Variants in YTHDF2 observed in about 807,000 individuals in gnomAD.
YTHDF2 encodes the protein YTH domain-containing family protein 2.
YTHDF2 carries 2 observed loss-of-function variants against 50.4 expected under a neutral mutation model. That is an observed-to-expected ratio of 0.04 (90% CI 0.02 to 0.12). The LOEUF is 0.12. Among genes scored for constraint, YTHDF2 ranks in the 10% least tolerant of loss-of-function variants. The pLI is 1.00. For synonymous variants in YTHDF2, 217 were observed against 255.6 expected, an observed-to-expected ratio of 0.85 and a Z score of 1.44; for missense variants, 483 against 722.6, an observed-to-expected ratio of 0.67 and a Z score of 3.80.
intron 4 of YTHDF2, among the ~76,000 whole-genome samples, chr1:28,768,073 C>T (rs1035240892): frequency 6.6e-6 from 1 of 151,808 alleles, no homozygotes; most frequent in African/African-American, 2.4e-5. Context: ...ATGGTGGCGG[C>T]GCCTGTAATC....
At chr1:28,749,884 T>A (rs144402359) in intron 4 of YTHDF2, among the ~76,000 whole-genome samples, 92 of 152,084 alleles carry the variant, frequency 6.0e-4, no homozygotes, top group African/African-American at 2.1e-3. Flanking sequence ...GTTTGAGTTT[T>A]AGTCTAAAAA....
chr1:28,737,037 G>A lies in YTHDF2; in HGVS notation c.-84G>A. On this transcript the variant is annotated 5_prime_UTR_variant, in exon 1 of 5. Coordinates refer to ENST00000373812, the MANE Select transcript of YTHDF2 (RefSeq NM_016258.3). Reference sequence around the variant, plus strand: ...GTGTCAGGGACAAAAGCCTCCGCCTGCTCCCGCAGACGGGGCTCATCTGCC... The same window carrying A: ...GTGTCAGGGACAAAAGCCTCCGCCTACTCCCGCAGACGGGGCTCATCTGCC... The A allele has an allele frequency of 6.6e-7, 1 of 1,524,234 alleles. No individual in the cohort carries two copies. Among genetic ancestry groups the A allele is most frequent in the Non-Finnish European group, 8.8e-7 (1 of 1,130,530 alleles). 94.4% of individuals were successfully genotyped at this position (1,524,234 alleles called of 1,614,324 possible).
chr1:28,758,035 A>G (rs2088061141), intron 4 of YTHDF2, among the ~76,000 whole-genome samples: 1 of 152,186 alleles, frequency 6.6e-6, no homozygotes, highest in South Asian at 2.1e-4. Context: ...ATCACTACCT[A>G]GGAAGTAGAA....
intron 4 of YTHDF2, among the ~76,000 whole-genome samples, chr1:28,748,394 G>T (rs1413130694): frequency 6.6e-6 from 1 of 152,156 alleles, no homozygotes; most frequent in East Asian, 1.9e-4. Flanking sequence ...TACCTTTGTA[G>T]TATTTACGAG....
chr1:28,737,323 C>G, intron 1 of YTHDF2, 176 bp downstream of exon 1: 1 of 827,924 alleles, frequency 1.2e-6, no homozygotes. Flanking sequence ...CCTGTTCTTC[C>G]CGCTTCTCCT....
chr1:28,741,207 G>A (rs2087770695), intron 3 of YTHDF2, among the ~76,000 whole-genome samples: 1 of 151,230 alleles, frequency 6.6e-6, no homozygotes, highest in African/African-American at 2.4e-5. Flanking sequence ...CATGTTGGCC[G>A]GGCTGGTCTC....
chr1:28,767,923 C>G (rs1158404946), intron 4 of YTHDF2, among the ~76,000 whole-genome samples: 1 of 148,144 alleles, frequency 6.8e-6, no homozygotes, highest in African/African-American at 2.5e-5. Flanking sequence ...AATTCTGAGG[C>G]CGGGCGCGGT....
chr1:28,738,139 A>C (rs1160258560), intron 2 of YTHDF2, 120 bp from the exon 3 acceptor site: 2 of 738,022 alleles, frequency 2.7e-6, no homozygotes. Context: ...TACCCTTTTG[A>C]AGTTCAATCT....
intron 4 of YTHDF2, among the ~76,000 whole-genome samples, chr1:28,747,131 C>T (rs2087875963): frequency 6.6e-6 from 1 of 152,050 alleles, no homozygotes; most frequent in Admixed American, 6.5e-5. Flanking sequence ...ATTATGTTTG[C>T]TAGAGTGGTT....
chr1:28,754,248 C>T (rs2088002864), intron 4 of YTHDF2, among the ~76,000 whole-genome samples: 1 of 152,166 alleles, frequency 6.6e-6, no homozygotes, highest in Admixed American at 6.5e-5. Flanking sequence ...ATCTATGAGG[C>T]TGGGTGAGTT....
At chr1:28,740,514 A>ATC (rs1398248883) in intron 3 of YTHDF2, 13 of 152,166 alleles carry the variant, frequency 8.5e-5, no homozygotes, top group African/African-American at 3.1e-4. Flanking sequence ...AGAGTAAGTC[A>ATC]TCTACTTTTT....
chr1:28,737,717 A>C, intron 2 of YTHDF2, 35 bp downstream of exon 2: 5 of 1,442,520 alleles, frequency 3.5e-6, no homozygotes, highest in South Asian at 1.1e-5. Flanking sequence ...CTGAGCCGGG[A>C]GGGGGACGCG....
chr1:28,747,573 A>G (rs1308087583), intron 4 of YTHDF2, among the ~76,000 whole-genome samples: 4 of 140,200 alleles, frequency 2.9e-5, no homozygotes, highest in Non-Finnish European at 6.1e-5. Flanking sequence ...TTTTTTTGAG[A>G]GACGAATCTC....
At chr1:28,747,383 A>C (rs977584529) in intron 4 of YTHDF2, among the ~76,000 whole-genome samples, 2 of 151,978 alleles carry the variant, frequency 1.3e-5, no homozygotes, top group South Asian at 2.1e-4. Flanking sequence ...CAGCCTGGTC[A>C]ACATGGTGAA....
intron 3 of YTHDF2, among the ~76,000 whole-genome samples, chr1:28,740,784 A>C (rs754940142): frequency 2.4e-4 from 36 of 150,418 alleles, no homozygotes; most frequent in Non-Finnish European, 5.2e-4. Context: ...GCTCACTGCA[A>C]CCTTCACCTC....
Position 28,769,545 on chromosome 1 carries a change from G to A in YTHDF2, c.*593G>A, listed in dbSNP as rs918422961. ...CAAAGTAAAGTACTAGGAGTCCTAA[G>A]AAATGTTCTGTTCTTGTACATTATA... On this transcript the variant is annotated 3_prime_UTR_variant, in exon 5 of 5. Transcript: ENST00000373812. The A allele has an allele frequency of 1.3e-5, 2 of 152,660 alleles. No homozygotes were observed. The highest frequency in any genetic ancestry group is 2.4e-5 in the African/African-American group (1 of 41,452). The allele number at this position is 152,660 out of a possible 1,614,324, so 9.5% of individuals were successfully genotyped here.
chr1:28,737,061 CCGCCGCCGCCGCGCTGAGGAGAGTT>C lies in YTHDF2; in HGVS notation c.-51_-27del, dbSNP rs1336241145. ...TGCTCCCGCAGACGGGGCTCATCTGCCGCCGCCGCCGCGCTGAGGAGAGTTCGCCGCCGTCGCCGCCCGTGAGGAT... is the reference window on the plus strand; with the variant it reads ...TGCTCCCGCAGACGGGGCTCATCTGCCGCCGCCGTCGCCGCCCGTGAGGAT... On this transcript the variant is annotated 5_prime_UTR_variant, in exon 1 of 5. Coordinates refer to ENST00000373812, the MANE Select transcript of YTHDF2 (RefSeq NM_016258.3). The C allele has an allele frequency of 2.9e-5, 41 of 1,426,150 alleles. No individual in the cohort carries two copies. Among genetic ancestry groups the C allele is most frequent in the Middle Eastern group, 2.1e-4 (1 of 4,862 alleles). 88.3% of individuals were successfully genotyped at this position (1,426,150 alleles called of 1,614,324 possible).
chr1:28,738,429 A>G (rs72663860), intron 3 of YTHDF2, 91 bp downstream of exon 3: 5 of 1,154,432 alleles, frequency 4.3e-6, no homozygotes, highest in Non-Finnish European at 3.7e-6. Flanking sequence ...CTGAGGATTC[A>G]TTTTTTTTTC....
chr1:28,749,460 G>A (rs1368102680), intron 4 of YTHDF2, among the ~76,000 whole-genome samples: 7 of 152,074 alleles, frequency 4.6e-5, no homozygotes, highest in East Asian at 1.9e-4. Flanking sequence ...GATTACAGGC[G>A]TGAGCCACCA....
Sources: allele counts gnomAD v4.1 joint callset (sites outside exome capture counted in the v4.1 genomes callset), GRCh38; gene constraint gnomAD v4.1.1; transcripts MANE v1.5; gene names NCBI Gene and HGNC (gene_info 2026-07-23, HGNC 2026-07-21).